Variants in PDZRN3 observed in about 807,000 individuals in gnomAD.
PDZRN3 encodes the protein PDZ domain containing ring finger 3.
A neutral mutation model predicts 85.7 loss-of-function variants in PDZRN3; 38 were observed. The observed-to-expected ratio is 0.44, with a 90% CI of 0.34 to 0.58. PDZRN3 has a LOEUF of 0.58. Among genes scored for constraint, PDZRN3 ranks in the 20% least tolerant of loss-of-function variants. The probability of loss-of-function intolerance (pLI) is 0.01; values close to 1 mark genes in which losing one functional copy is unlikely to be tolerated. For synonymous variants in PDZRN3, 759 were observed against 638.0 expected (o/e 1.19, Z -2.86); for missense variants, 1,629 against 1,506.4 (o/e 1.08, Z -1.35).
At chr3:73,564,121 C>T (rs1701895392) in intron 3 of PDZRN3, among the ~76,000 whole-genome samples, 1 of 152,208 alleles carries the variant, frequency 6.6e-6, no homozygotes, top group African/African-American at 2.4e-5. Context: ...GTAGCCAAAC[C>T]TGTATAACTC....
Position 73,541,365 on chromosome 3 carries a change from C to G in PDZRN3, c.918+60989G>C, listed in dbSNP as rs113596993. Among the ~76,000 whole-genome samples the G allele has an allele frequency of 5.3e-3, 807 of 152,338 alleles. 3 individuals carry two copies. The highest frequency in any genetic ancestry group is 0.019 in the African/African-American group (777 of 41,580). ...ATATAGCTAACATTTATTGAGTACTCTTTAGGTCAGACAGTGGTCTAAATT... is the reference window on the plus strand; with the variant it reads ...ATATAGCTAACATTTATTGAGTACTGTTTAGGTCAGACAGTGGTCTAAATT... On this transcript the variant is annotated intron_variant, in intron 3 of 9. Transcript: ENST00000263666.
chr3:73,577,554 G>A (rs904526757), intron 3 of PDZRN3, among the ~76,000 whole-genome samples: 3 of 152,106 alleles, frequency 2.0e-5, no homozygotes, highest in Non-Finnish European at 2.9e-5. Flanking sequence ...CTGGCTTCTA[G>A]CTGGGACCAG....
chr3:73,522,036 T>C (rs990987124), intron 3 of PDZRN3, among the ~76,000 whole-genome samples: 4 of 151,952 alleles, frequency 2.6e-5, no homozygotes, highest in African/African-American at 9.7e-5. Flanking sequence ...TTTTATGACA[T>C]GTGAAAATTA....
Position 73,383,984 on chromosome 3 carries a change from G to A in PDZRN3, c.2582C>T (p.Pro861Leu). 1.3e-6 allele frequency: 2 copies of A among 1,592,512 alleles called. No homozygotes were observed. The highest frequency in any genetic ancestry group is 1.7e-6 in the Non-Finnish European group (2 of 1,171,068). ...PSQKLGSAYL[P>L]SYHHSPYKHA... ...CTTGTATGGGGAGTGGTGATAGGAG[G>A]GCAGGTAGGCGCTGCCCAGCTTCTG... is the stretch of plus-strand genomic sequence containing the variant. Residue 861 changes from proline (P) to leucine (L), a missense_variant, in exon 10 of 10, where the codon CCC becomes CTC. Transcript: ENST00000263666.
chr3:73,489,575 C>CTTTTTT (rs371602592), intron 3 of PDZRN3, among the ~76,000 whole-genome samples: 4 of 80,092 alleles, frequency 5.0e-5, no homozygotes, highest in African/African-American at 1.9e-4. Context: ...AGTTTCTTTT[C>CTTTTTT]TTTTTTTTTT....
intron 3 of PDZRN3, among the ~76,000 whole-genome samples, chr3:73,492,656 G>A (rs914664175): frequency 6.6e-6 from 1 of 152,188 alleles, no homozygotes; most frequent in Non-Finnish European, 1.5e-5. Flanking sequence ...CTGAGGCCCT[G>A]CTGCTAAGCA....
chr3:73,495,338 T>G (rs1336056398), intron 3 of PDZRN3, among the ~76,000 whole-genome samples: 1 of 152,094 alleles, frequency 6.6e-6, no homozygotes, highest in African/African-American at 2.4e-5. Flanking sequence ...TAGCTAAAAT[T>G]CCTTTTGGTC....
Position 73,563,522 on chromosome 3 carries a change from A to G in PDZRN3, c.918+38832T>C, listed in dbSNP as rs113188925. On this transcript the variant is annotated intron_variant, in intron 3 of 9. Transcript: ENST00000263666. ...ATGACTTTGCTGATAATTTGGAATC[A>G]GAAGTCTACTTTCTATGGCTACTAT... 9.6e-3 allele frequency among the ~76,000 whole-genome samples: 1,461 copies of G among 152,304 alleles called. 21 individuals carry two copies. The highest frequency in any genetic ancestry group is 0.033 in the African/African-American group (1,358 of 41,556).
At chr3:73,542,334 C>T (rs1320544901) in intron 3 of PDZRN3, among the ~76,000 whole-genome samples, 1 of 152,140 alleles carries the variant, frequency 6.6e-6, no homozygotes, top group Non-Finnish European at 1.5e-5. Context: ...TGAGCAACGG[C>T]CCCACAATCA....
At chr3:73,388,118 G>T (rs781492304) in intron 7 of PDZRN3, 49 bp from the exon 8 acceptor site, 2 of 887,142 alleles carry the variant, frequency 2.3e-6, no homozygotes, top group South Asian at 1.6e-5. Context: ...CAAATAGCAT[G>T]ATTAGATGGT....
chr3:73,569,716 C>T (rs1462419966), intron 3 of PDZRN3, among the ~76,000 whole-genome samples: 1 of 152,210 alleles, frequency 6.6e-6, no homozygotes, highest in East Asian at 1.9e-4. Context: ...CTCACTGAGC[C>T]TACCCCTGGC....
At chr3:73,421,029 AC>A (rs1163278238) in intron 3 of PDZRN3, among the ~76,000 whole-genome samples, 1 of 152,228 alleles carries the variant, frequency 6.6e-6, no homozygotes, top group African/African-American at 2.4e-5. Flanking sequence ...TGGGAATTCA[AC>A]ATAGTACTGG....
At chr3:73,388,173 TCA>T (rs1230530394) in intron 7 of PDZRN3, 104 bp from the exon 8 acceptor site, 2 of 632,778 alleles carry the variant, frequency 3.2e-6, no homozygotes, top group Non-Finnish European at 5.5e-6. Flanking sequence ...TGTCACCCAC[TCA>T]CAGTTAGAAC....
intron 3 of PDZRN3, among the ~76,000 whole-genome samples, chr3:73,425,643 G>C (rs973955668): frequency 6.6e-6 from 1 of 151,934 alleles, no homozygotes; most frequent in Non-Finnish European, 1.5e-5. Context: ...AGTGAGTACT[G>C]GGGTGAAGAG....
At chr3:73,405,540 T>C (rs1182664722) in intron 3 of PDZRN3, among the ~76,000 whole-genome samples, 2 of 152,198 alleles carry the variant, frequency 1.3e-5, no homozygotes, top group African/African-American at 2.4e-5. Flanking sequence ...AAATGTAAAA[T>C]GATGGTATAG....
chr3:73,435,352 C>T (rs1490299876), intron 3 of PDZRN3, among the ~76,000 whole-genome samples: 2 of 152,118 alleles, frequency 1.3e-5, no homozygotes, highest in African/African-American at 4.8e-5. Flanking sequence ...TAAACTGGAA[C>T]GTGCCACCAG....
chr3:73,395,151 GT>G (rs767137778), intron 5 of PDZRN3, among the ~76,000 whole-genome samples: 1 of 152,164 alleles, frequency 6.6e-6, no homozygotes, highest in Non-Finnish European at 1.5e-5. Context: ...CCATTCTGTG[GT>G]TTTAAAACAA....
intron 3 of PDZRN3, among the ~76,000 whole-genome samples, chr3:73,565,719 C>T (rs540044289): frequency 3.3e-5 from 5 of 151,846 alleles, no homozygotes; most frequent in African/African-American, 1.2e-4. Context: ...GGGTGGATCA[C>T]CTGAGGTCAG....
intron 3 of PDZRN3, among the ~76,000 whole-genome samples, chr3:73,600,376 A>G (rs1342646258): frequency 7.5e-6 from 1 of 133,742 alleles, no homozygotes; most frequent in Admixed American, 7.6e-5. Flanking sequence ...CAAAATAATC[A>G]CATTTATGCC....
Sources: gnomAD v4.1 joint callset for allele counts (sites outside exome capture counted in the v4.1 genomes callset) on GRCh38, gnomAD v4.1.1 for gene constraint, MANE v1.5 for transcripts, NCBI Gene and HGNC (gene_info 2026-07-23, HGNC 2026-07-21) for gene names.